Variants in DNAH9 observed in about 807,000 individuals in gnomAD.
DNAH9 encodes the protein DNAH9 variant protein.
In DNAH9, 345 loss-of-function variants were observed where a neutral mutation model predicts 471.6. That is an observed-to-expected ratio of 0.73 (90% CI 0.67 to 0.80). The LOEUF (loss-of-function observed/expected upper bound fraction) is 0.80, where lower values mean the gene tolerates loss of function less well. DNAH9 is among the 30% of genes least tolerant of loss of function. The probability of loss-of-function intolerance (pLI) is 0.00; values close to 1 mark genes in which losing one functional copy is unlikely to be tolerated. For missense variants in DNAH9, 5,407 were observed against 5,609.2 expected (o/e 0.96, Z 1.15); for synonymous variants, 2,093 against 2,123.6 (o/e 0.99, Z 0.40).
intron 34 of DNAH9, 43 bp from the exon 35 acceptor site, chr17:11,757,502 T>C: frequency 6.5e-7 from 1 of 1,535,728 alleles, no homozygotes; most frequent in Non-Finnish European, 8.9e-7. Context: ...AATATAATGA[T>C]GTATATGGAA....
chr17:11,679,661 T>C, intron 17 of DNAH9, 96 bp from the exon 18 acceptor site: 1 of 881,524 alleles, frequency 1.1e-6, no homozygotes, highest in Non-Finnish European at 1.9e-6. Flanking sequence ...GGTAGGATTT[T>C]CATAATGATA....
At chr17:11,698,620 T>C (rs1398256507) in intron 22 of DNAH9, among the ~76,000 whole-genome samples, 1 of 152,030 alleles carries the variant, frequency 6.6e-6, no homozygotes. Context: ...TCTCATAAGC[T>C]GGAGAGCTGG....
At chr17:11,683,521 G>A (rs984404877) in intron 19 of DNAH9, among the ~76,000 whole-genome samples, 2 of 152,134 alleles carry the variant, frequency 1.3e-5, no homozygotes, top group African/African-American at 4.8e-5. Flanking sequence ...CAAAGATGTT[G>A]GGGAAAATAT....
At chr17:11,721,155 G>C (rs12948277) in intron 27 of DNAH9, among the ~76,000 whole-genome samples, 90,120 of 151,578 alleles carry the variant, frequency 0.59, 28,572 homozygotes, top group Admixed American at 0.75. Context: ...TTGGCTAGGG[G>C]TCACTATGGC....
chr17:11,629,533 G>A lies in DNAH9; in HGVS notation c.1467G>A (p.Met489Ile). The change falls in exon 7 of 69, where the codon ATG (methionine) becomes ATA (isoleucine). Residue 489 changes from methionine (M) to isoleucine (I), a missense_variant. Met to Ile is a conservative substitution (Grantham distance 10). Coordinates refer to ENST00000262442, the MANE Select transcript of DNAH9 (RefSeq NM_001372.4). ...VQQMHEEFQE[M>I]YRLLSGSSSD... is the part of the protein sequence containing the mutation. ...AAATGCATGAAGAATTTCAAGAGAT[G>A]TACAGGCTTCTCTCAGGATCCTCCT... 6 of 1,614,152 alleles carry A rather than the reference G, an allele frequency of 3.7e-6. No individual in the cohort carries two copies. Among genetic ancestry groups the A allele is most frequent in the South Asian group, 1.1e-5 (1 of 91,078 alleles).
chr17:11,792,779 C>T lies in DNAH9; in HGVS notation c.8062-724C>T, dbSNP rs143225104. ...TGGAATTGAAATATAGCAGAGAAAC[C>T]ACTTTTTCCCTCATTGTGGGTGATT... On this transcript the variant is annotated intron_variant, in intron 41 of 68. Transcript: ENST00000262442. Among the ~76,000 whole-genome samples the T allele has an allele frequency of 1.5e-3, 230 of 152,304 alleles. 3 individuals carry two copies. The East Asian group carries it at 0.022, about 15-fold the overall frequency.
At position 11,744,880 on chromosome 17, in the gene DNAH9, T is replaced by C; in HGVS notation, c.6195T>C (p.Pro2065=). 3 of 1,614,204 alleles carry C rather than the reference T, an allele frequency of 1.9e-6. No homozygotes were observed. Among genetic ancestry groups the C allele is most frequent in the Non-Finnish European group, 2.5e-6 (3 of 1,180,026 alleles). Reference sequence around the variant, plus strand: ...TGAAGAGAGGAGACCCTGACCGGCCTGAGGACCAGGTCCTGATGCGCTCCT... The same window carrying C: ...TGAAGAGAGGAGACCCTGACCGGCCCGAGGACCAGGTCCTGATGCGCTCCT... The part of the protein sequence containing the change: ...GSLKRGDPDR[P]EDQVLMRSLR... The change falls in exon 31 of 69, where the codon CCT becomes CCC. Residue 2065 remains proline (P), a synonymous_variant. Coordinates refer to ENST00000262442, the MANE Select transcript of DNAH9 (RefSeq NM_001372.4).
At chr17:11,930,714 G>A (rs976601903) in intron 63 of DNAH9, among the ~76,000 whole-genome samples, 3 of 143,530 alleles carry the variant, frequency 2.1e-5, no homozygotes, top group South Asian at 4.3e-4. Flanking sequence ...GCAGTGAGCC[G>A]AGATTGTGCC....
intron 17 of DNAH9, among the ~76,000 whole-genome samples, chr17:11,670,892 A>G (rs1212221126): frequency 6.6e-6 from 1 of 152,140 alleles, no homozygotes; most frequent in Non-Finnish European, 1.5e-5. Flanking sequence ...TAGTGGAGAC[A>G]GGGTTTCTCC....
intron 5 of DNAH9, 37 bp downstream of exon 5, chr17:11,617,659 G>A (rs2072774443): frequency 1.3e-6 from 2 of 1,495,846 alleles, no homozygotes; most frequent in Non-Finnish European, 1.9e-6. Context: ...CTGCTCCCTG[G>A]GGGCTGGTTG....
intron 4 of DNAH9, chr17:11,612,371 GGT>G (rs2007833003): frequency 5.9e-6 from 1 of 170,762 alleles, no homozygotes; most frequent in Admixed American, 5.7e-5. Flanking sequence ...TCTGGTCAAA[GGT>G]CTTTCTGGGC....
At chr17:11,615,284 T>C (rs1291848329) in intron 4 of DNAH9, among the ~76,000 whole-genome samples, 2 of 152,172 alleles carry the variant, frequency 1.3e-5, no homozygotes. Flanking sequence ...ATTTACATTC[T>C]TTAAAAAGGT....
At chr17:11,677,685 G>A (rs769145179) in intron 17 of DNAH9, among the ~76,000 whole-genome samples, 50 of 151,972 alleles carry the variant, frequency 3.3e-4, no homozygotes, top group South Asian at 6.2e-4. Flanking sequence ...CTTTTAGTTT[G>A]CTATTCTTTT....
intron 5 of DNAH9, among the ~76,000 whole-genome samples, chr17:11,619,124 G>A (rs2072803757): frequency 6.6e-6 from 1 of 152,218 alleles, no homozygotes; most frequent in Non-Finnish European, 1.5e-5. Context: ...TGGTGAAGGT[G>A]GCTGTCGCTA....
At chr17:11,861,796 T>C in intron 50 of DNAH9, among the ~76,000 whole-genome samples, 1 of 152,118 alleles carries the variant, frequency 6.6e-6, no homozygotes. Flanking sequence ...CATTTTTTCA[T>C]GTGTTTTTTG....
rs1243372383 is a variant in DNAH9, at chr17:11,598,772, G to C, written c.274G>C (p.Glu92Gln). 3 of 1,460,768 alleles carry C rather than the reference G, an allele frequency of 2.1e-6. No homozygotes were observed. Among genetic ancestry groups the C allele is most frequent in the Admixed American group, 2.5e-5 (1 of 40,460 alleles). The allele number at this position is 1,460,768 out of a possible 1,614,324, so 90.5% of individuals were successfully genotyped here. The change falls in exon 1 of 69, where the codon GAG becomes CAG. Residue 92 changes from glutamate to glutamine, a missense_variant. Physicochemically the swap from Glu to Gln is conservative, Grantham distance 29. Transcript: ENST00000262442. ...ACGCCCCGGGCTGGAGGTGGGACCT[G>C]AGTCGGGCCTGGCTGGCGCTAAGGC... ...AIRPGLEVGP[E>Q]SGLAGAKALF...
intron 32 of DNAH9, among the ~76,000 whole-genome samples, chr17:11,749,537 TG>T (rs1486677522): frequency 6.6e-6 from 1 of 151,972 alleles, no homozygotes; most frequent in Non-Finnish European, 1.5e-5. Context: ...TTTTAGCATC[TG>T]GGATTTCTAT....
intron 48 of DNAH9, 46 bp from the exon 49 acceptor site, chr17:11,834,591 TC>T: frequency 6.2e-7 from 1 of 1,607,146 alleles, no homozygotes; most frequent in Middle Eastern, 1.7e-4. Context: ...GTGCCCACAG[TC>T]CCTCCAGTCA....
chr17:11,936,022 A>G (rs1974702491), intron 65 of DNAH9, among the ~76,000 whole-genome samples: 1 of 152,218 alleles, frequency 6.6e-6, no homozygotes, highest in South Asian at 2.1e-4. Context: ...AGTAACAGGC[A>G]AAGGAAGTCT....
Sources: gnomAD v4.1 joint callset for allele counts (sites outside exome capture counted in the v4.1 genomes callset) on GRCh38, gnomAD v4.1.1 for gene constraint, MANE v1.5 for transcripts, NCBI Gene and HGNC (gene_info 2026-07-23, HGNC 2026-07-21) for gene names.